ENOX2: variants seen among roughly 807,000 people sequenced by gnomAD.
ENOX2 encodes APK1 antigen.
ENOX2 carries 36 observed loss-of-function variants against 45.0 expected under a neutral mutation model. The observed-to-expected ratio is 0.80, with a 90% confidence interval of 0.61 to 1.06. The LOEUF is 1.06. Ranked by LOEUF, ENOX2 falls within the 50% of genes least tolerant of loss-of-function variation. The pLI is 0.00. For synonymous variants in ENOX2, 174 were observed against 152.3 expected (o/e 1.14, Z -1.05); for missense variants, 423 against 462.5 (o/e 0.91, Z 0.78).
intron 10 of ENOX2, among the ~76,000 whole-genome samples, chrX:130,643,350 T>C (rs1487038794): frequency 1.8e-5 from 2 of 110,403 alleles, no homozygotes; most frequent in Non-Finnish European, 3.8e-5. Flanking sequence ...ATATCAATAA[T>C]CAGTTAAAAA....
chrX:130,625,203 T>G lies in ENOX2; in HGVS notation c.*111A>C. On this transcript the variant is annotated 3_prime_UTR_variant, in exon 15 of 15. Coordinates refer to ENST00000394363, the MANE Select transcript of ENOX2 (RefSeq NM_006375.4). ...CTCAAAAGATTTTCCAGGAATGAAC[T>G]GACAAATTCAAAGGAACTTCCACTT... 4.3e-6 allele frequency: 4 copies of G among 928,830 alleles called. No homozygotes were observed. Among genetic ancestry groups the G allele is most frequent in the Non-Finnish European group, 5.9e-6 (4 of 674,017 alleles). 76.5% of individuals were successfully genotyped at this position (928,830 alleles called of 1,213,427 possible).
chrX:130,655,513 TAC>T (rs762240046), intron 10 of ENOX2, among the ~76,000 whole-genome samples: 4 of 111,287 alleles, frequency 3.6e-5, no homozygotes, highest in African/African-American at 1.3e-4. Context: ...CACACACACG[TAC>T]ACACACACAG....
chrX:130,899,788 T>A (rs957084281), intron 2 of ENOX2, among the ~76,000 whole-genome samples: 5 of 112,126 alleles, frequency 4.5e-5, no homozygotes, highest in African/African-American at 1.3e-4. Flanking sequence ...GTGGTAACTA[T>A]AGCTTCCATT....
chrX:130,880,083 A>G (rs1422761910), intron 2 of ENOX2, among the ~76,000 whole-genome samples: 2 of 111,935 alleles, frequency 1.8e-5, no homozygotes, highest in Admixed American at 9.5e-5. Context: ...GGATACAACA[A>G]TGAATTCTGG....
At chrX:130,626,906 G>A (rs2035559622) in intron 14 of ENOX2, among the ~76,000 whole-genome samples, 2 of 111,235 alleles carry the variant, frequency 1.8e-5, no homozygotes, top group African/African-American at 6.5e-5. Context: ...TACAATTTAT[G>A]GGCACATTTC....
At chrX:130,745,715 G>T (rs773894172) in intron 3 of ENOX2, among the ~76,000 whole-genome samples, 1 of 112,107 alleles carries the variant, frequency 8.9e-6, no homozygotes, top group South Asian at 3.8e-4. Context: ...AGAGAAAGAA[G>T]ACCAACTTCT....
At chrX:130,649,519 A>G (rs1449053693) in intron 10 of ENOX2, among the ~76,000 whole-genome samples, 2 of 111,709 alleles carry the variant, frequency 1.8e-5, no homozygotes, top group Non-Finnish European at 3.8e-5. Context: ...TTCTGGTTAG[A>G]AGTATCTTCT....
intron 3 of ENOX2, among the ~76,000 whole-genome samples, chrX:130,753,056 T>C (rs1193387298): frequency 1.8e-5 from 2 of 111,636 alleles, no homozygotes; most frequent in Non-Finnish European, 3.8e-5. Context: ...GGTTTGTCTG[T>C]CCATGTGAGT....
rs35154919 is a variant in ENOX2, at chrX:130,649,043, CAAAAAAAAAAAAAAAAAAAAA to C, written c.1129+7517_1129+7537del. On this transcript the variant is annotated intron_variant, in intron 10 of 14. Coordinates refer to ENST00000394363, the MANE Select transcript of ENOX2 (RefSeq NM_006375.4). Reference sequence around the variant, plus strand: ...CTGGTGACAGTGGGAGACTCCATATCAAAAAAAAAAAAAAAAAAAAAAAAAAAAAAAAAAGCCTGACACCTC... The same window carrying C: ...CTGGTGACAGTGGGAGACTCCATATCAAAAAAAAAAAAAGCCTGACACCTC... Among the ~76,000 whole-genome samples, 4 of 6,792 alleles carry C rather than the reference CAAAAAAAAAAAAAAAAAAAAA, an allele frequency of 5.9e-4. No individual in the cohort carries two copies. The Admixed American group carries it at 8.6e-3, about 15-fold the overall frequency. The allele number at this position is 6,792 out of a possible 115,157, so 5.9% of individuals were successfully genotyped here.
chrX:130,782,767 CA>C (rs904583121), intron 3 of ENOX2, among the ~76,000 whole-genome samples: 4 of 109,810 alleles, frequency 3.6e-5, no homozygotes, highest in African/African-American at 1.3e-4. Context: ...AACCATGCAA[CA>C]AAGACATAAA....
At chrX:130,685,484 A>G (rs2037424872) in intron 5 of ENOX2, among the ~76,000 whole-genome samples, 1 of 112,002 alleles carries the variant, frequency 8.9e-6, no homozygotes, top group South Asian at 3.8e-4. Context: ...AGGCTATTAC[A>G]ATAATTTAGA....
chrX:130,724,330 T>G (rs942102790), intron 3 of ENOX2, among the ~76,000 whole-genome samples: 1 of 112,506 alleles, frequency 8.9e-6, no homozygotes, highest in Non-Finnish European at 1.9e-5. Context: ...AACACCAGCA[T>G]GGCATGGGCA....
At chrX:130,889,114 C>T (rs1282354910) in intron 2 of ENOX2, among the ~76,000 whole-genome samples, 1 of 112,061 alleles carries the variant, frequency 8.9e-6, no homozygotes, top group Non-Finnish European at 1.9e-5. Flanking sequence ...CAGCTGGCTT[C>T]AGCTGGGACA....
chrX:130,650,998 A>G (rs1272991953), intron 10 of ENOX2, among the ~76,000 whole-genome samples: 1 of 112,297 alleles, frequency 8.9e-6, no homozygotes, highest in Non-Finnish European at 1.9e-5. Flanking sequence ...AAATGTTACA[A>G]AATTATGGAA....
At chrX:130,896,583 G>A (rs1362399119) in intron 2 of ENOX2, among the ~76,000 whole-genome samples, 1 of 111,827 alleles carries the variant, frequency 8.9e-6, no homozygotes, top group Non-Finnish European at 1.9e-5. Context: ...GTGCCTAACG[G>A]AGTGCTTTCA....
intron 3 of ENOX2, among the ~76,000 whole-genome samples, chrX:130,710,470 C>T (rs1293409365): frequency 8.9e-6 from 1 of 111,750 alleles, no homozygotes. Context: ...GATTGTCATA[C>T]CTGGCAGCAG....
intron 13 of ENOX2, among the ~76,000 whole-genome samples, chrX:130,629,331 A>G (rs2035632311): frequency 8.8e-6 from 1 of 113,215 alleles, no homozygotes; most frequent in African/African-American, 3.2e-5. Flanking sequence ...CCAGAGGTTT[A>G]AAAACATTAA....
Position 130,679,780 on chromosome X carries a change from A to G in ENOX2, c.254-32T>C, listed in dbSNP as rs751797285. 13 of 1,087,337 alleles carry G rather than the reference A, an allele frequency of 1.2e-5. No individual in the cohort carries two copies. The East Asian group carries it at 3.3e-4, about 28-fold the overall frequency. 89.6% of individuals were successfully genotyped at this position (1,087,337 alleles called of 1,213,427 possible). ...TGTAAGGGCAAAAACATTTGAAATT[A>G]AAATGTTTGCTTGGGACAGACCTCT... On this transcript the variant is annotated intron_variant, in intron 5 of 14. Transcript: ENST00000394363.
At chrX:130,716,650 C>T (rs1335127784) in intron 3 of ENOX2, among the ~76,000 whole-genome samples, 4 of 111,935 alleles carry the variant, frequency 3.6e-5, no homozygotes, top group African/African-American at 6.5e-5. Flanking sequence ...CCCGCTGTAT[C>T]GGCATACTCC....
Sources: allele counts gnomAD v4.1 joint callset (sites outside exome capture counted in the v4.1 genomes callset), GRCh38; gene constraint gnomAD v4.1.1; transcripts MANE v1.5; gene names NCBI Gene and HGNC (gene_info 2026-07-23, HGNC 2026-07-21).